The following ABCA12 variants were observed in gnomAD, a reference collection of about 807,000 sequenced individuals.
ABCA12 encodes ATP binding cassette subfamily A member 12.
ABCA12 carries 156 observed loss-of-function variants against 293.5 expected under a neutral mutation model. The observed-to-expected ratio is 0.53, with a 90% CI of 0.47 to 0.61. ABCA12 has a LOEUF of 0.61. ABCA12 is among the 20% of genes least tolerant of loss of function. ABCA12 has a pLI of 0.00. For synonymous variants in ABCA12, 1,063 were observed against 1,108.0 expected (o/e 0.96, Z 0.81); for missense variants, 2,797 against 3,090.2 (o/e 0.91, Z 2.25).
chr2:215,026,788 A>C (rs1358841064), intron 10 of ABCA12, 32 bp downstream of exon 10: 22 of 1,513,744 alleles, frequency 1.5e-5, no homozygotes, highest in Non-Finnish European at 1.9e-5. Flanking sequence ...AGAAACCATG[A>C]GCAGCATTTT....
chr2:214,987,869 T>G, intron 26 of ABCA12, 76 bp from the exon 27 acceptor site: 1 of 1,543,062 alleles, frequency 6.5e-7, no homozygotes, highest in Admixed American at 1.8e-5. Context: ...AAACAGTAGA[T>G]CCTATGTATG....
intron 43 of ABCA12, 67 bp from the exon 44 acceptor site, chr2:214,954,174 C>T (rs1221654801): frequency 2.6e-6 from 4 of 1,545,406 alleles, no homozygotes; most frequent in African/African-American, 2.7e-5. Context: ...AAATTTAAAA[C>T]TAGATGGATG....
intron 35 of ABCA12, among the ~76,000 whole-genome samples, chr2:214,974,293 G>A (rs1699460030): frequency 6.6e-6 from 1 of 152,176 alleles, no homozygotes; most frequent in Non-Finnish European, 1.5e-5. Context: ...TTGTCTTACT[G>A]TGTCAGGATG....
intron 49 of ABCA12, 132 bp downstream of exon 49, chr2:214,944,869 G>GTT (rs1442981619): frequency 1.5e-6 from 1 of 645,736 alleles, no homozygotes; most frequent in Non-Finnish European, 2.7e-6. Flanking sequence ...TATTTTGTAT[G>GTT]TGTGTATATA....
At chr2:214,970,852 TG>T (rs1359293520) in intron 36 of ABCA12, among the ~76,000 whole-genome samples, 2 of 152,104 alleles carry the variant, frequency 1.3e-5, no homozygotes, top group Non-Finnish European at 2.9e-5. Flanking sequence ...AGTTTTAGTA[TG>T]CAACCTAAGA....
intron 7 of ABCA12, among the ~76,000 whole-genome samples, chr2:215,041,190 G>C (rs1007456280): frequency 5.5e-4 from 84 of 152,120 alleles, no homozygotes; most frequent in African/African-American, 2.0e-3. Context: ...TACAATTTTT[G>C]TCAGTTAAAA....
Position 214,947,535 on chromosome 2 carries a change from T to G in ABCA12, c.7126A>C (p.Arg2376=), listed in dbSNP as rs752220062. 48 of 1,613,700 alleles carry G rather than the reference T, an allele frequency of 3.0e-5. No homozygotes were observed. The highest frequency in any genetic ancestry group is 3.9e-5 in the Non-Finnish European group (46 of 1,179,894). The change falls in exon 48 of 53, where the codon AGA becomes CGA. Residue 2376 remains arginine, a synonymous_variant. Transcript: ENST00000272895. ...TCCTTGAAGGGCATCAGGTGAAGTC[T>G]CCTAAGGAGTTTATGAACAGTCTGT... The part of the protein sequence containing the change: ...IKETVHKLLR[R]LHLMPFKDRA...
At position 215,134,306 on chromosome 2, in the gene ABCA12, GTA is replaced by G. The variant is rs1296770928; in HGVS notation, c.69+3832_69+3833del. ...TATATATGTATATGTACATATATAC[GTA>G]TATGTGTATATATGTATATATGTAC... On this transcript the variant is annotated intron_variant, in intron 1 of 52. Coordinates refer to ENST00000272895, the MANE Select transcript of ABCA12 (RefSeq NM_173076.3). Among the ~76,000 whole-genome samples, 56 of 143,622 alleles carry G rather than the reference GTA, an allele frequency of 3.9e-4. 1 individual carries two copies. Among genetic ancestry groups the G allele is most frequent in the Middle Eastern group, 8.6e-3 (2 of 232 alleles). 94.2% of individuals were successfully genotyped at this position (143,622 alleles called of 152,430 possible).
intron 2 of ABCA12, among the ~76,000 whole-genome samples, chr2:215,109,150 A>T (rs777248362): frequency 2.0e-5 from 3 of 151,894 alleles, no homozygotes; most frequent in Admixed American, 6.6e-5. Flanking sequence ...ACCTCTGATT[A>T]CAAAATTACA....
At position 214,961,545 on chromosome 2, in the gene ABCA12, C is replaced by G. The variant is rs939448575; in HGVS notation, c.5885-2467G>C. Among the ~76,000 whole-genome samples, 6 of 152,198 alleles carry G rather than the reference C, an allele frequency of 3.9e-5. No homozygotes were observed. The East Asian group carries it at 1.2e-3, about 29-fold the overall frequency. ...TCAAAAGCAGCATTGGTCTCTTGTT[C>G]TCTTTATCTTTGCTACATTTTCCCC... On this transcript the variant is annotated intron_variant, in intron 39 of 52. Coordinates refer to ENST00000272895, the MANE Select transcript of ABCA12 (RefSeq NM_173076.3).
At chr2:214,946,022 A>G (rs1481657445) in intron 48 of ABCA12, among the ~76,000 whole-genome samples, 1 of 152,118 alleles carries the variant, frequency 6.6e-6, no homozygotes, top group East Asian at 1.9e-4. Flanking sequence ...TAGGGTGACT[A>G]TAGTTAACAA....
chr2:215,076,317 C>G (rs1306212700), intron 2 of ABCA12, among the ~76,000 whole-genome samples: 1 of 152,134 alleles, frequency 6.6e-6, no homozygotes, highest in East Asian at 1.9e-4. Flanking sequence ...AAATAGCAGA[C>G]AAAAATTCCC....
chr2:215,010,244 A>C, intron 18 of ABCA12, 87 bp downstream of exon 18: 2 of 1,492,386 alleles, frequency 1.3e-6, no homozygotes, highest in South Asian at 2.3e-5. Flanking sequence ...ATAGAAAGAA[A>C]TCAGTCAGCT....
At chr2:215,133,388 C>G (rs1168959444) in intron 1 of ABCA12, among the ~76,000 whole-genome samples, 2 of 151,736 alleles carry the variant, frequency 1.3e-5, no homozygotes, top group Admixed American at 1.3e-4. Context: ...CCTTCTCTAT[C>G]AAGAATTCCA....
At chr2:215,072,982 C>T (rs1483149867) in intron 2 of ABCA12, among the ~76,000 whole-genome samples, 1 of 152,112 alleles carries the variant, frequency 6.6e-6, no homozygotes, top group African/African-American at 2.4e-5. Context: ...GTAACCCCAG[C>T]TACCTGGGAA....
At chr2:214,987,857 C>T in intron 26 of ABCA12, 64 bp from the exon 27 acceptor site, 2 of 1,570,332 alleles carry the variant, frequency 1.3e-6, no homozygotes. Flanking sequence ...TCATCAGAAA[C>T]AAAACAGTAG....
In ABCA12 at chr2:214,997,718, CA is replaced by C. The variant is rs754358467; in HGVS notation, c.3270del (p.Tyr1090Ter). 2 of 1,612,312 alleles carry C rather than the reference CA, an allele frequency of 1.2e-6. No homozygotes were observed. The highest frequency in any genetic ancestry group is 1.7e-6 in the Non-Finnish European group (2 of 1,178,690). ...ACCTCATGAAGCCGGAGGTCTTTCT[CA>C]TAGACAAGCTTTTTTACAAAGGCAG... ...FIAAFVKKLV[Y>X]EKDLRLHEYM... On this transcript the variant is annotated frameshift_variant, in exon 23 of 53. Coordinates refer to ENST00000272895, the MANE Select transcript of ABCA12 (RefSeq NM_173076.3). LOFTEE classifies it high-confidence loss of function.
At chr2:215,102,022 T>C (rs1559195118) in intron 2 of ABCA12, among the ~76,000 whole-genome samples, 1 of 146,876 alleles carries the variant, frequency 6.8e-6, no homozygotes, top group Admixed American at 6.9e-5. Context: ...TTTATTTGTT[T>C]GTACACGTGT....
intron 2 of ABCA12, among the ~76,000 whole-genome samples, chr2:215,071,924 A>G (rs1701746029): frequency 6.6e-6 from 1 of 152,126 alleles, no homozygotes; most frequent in Non-Finnish European, 1.5e-5. Flanking sequence ...CAACCGCTGT[A>G]GTGTTTAAAT....
Sources: allele counts gnomAD v4.1 joint callset (sites outside exome capture counted in the v4.1 genomes callset), GRCh38; gene constraint gnomAD v4.1.1; transcripts MANE v1.5; gene names NCBI Gene and HGNC (gene_info 2026-07-23, HGNC 2026-07-21).